Variants in ADSL observed in about 807,000 individuals in gnomAD.
ADSL encodes the protein adenylosuccinate lyase, also known as adenylosuccinase.
A neutral mutation model predicts 62.1 loss-of-function variants in ADSL; 44 were observed. The ratio of observed to expected loss-of-function variants is 0.71; its 90% CI spans 0.56 to 0.91. The LOEUF is 0.91. Among genes scored for constraint, ADSL ranks in the 40% least tolerant of loss-of-function variants. The probability of loss-of-function intolerance (pLI) is 0.00; values close to 1 mark genes in which losing one functional copy is unlikely to be tolerated. For synonymous variants in ADSL, 198 were observed against 220.5 expected, an observed-to-expected ratio of 0.90 and a Z score of 0.90; for missense variants, 531 against 627.4, an observed-to-expected ratio of 0.85 and a Z score of 1.64.
Position 40,358,920 on chromosome 22 carries a change from G to A in ADSL, c.539G>A (p.Cys180Tyr), listed in dbSNP as rs1016640573. ...KRCCLWIQDL[C>Y]MDLQNLKRVR... The stretch of plus-strand genomic sequence containing the variant: ...TGCTGTCTTTGGATTCAGGATCTTT[G>A]CATGGATCTCCAGAACTTGAAGCGT... Residue 180 changes from cysteine (C) to tyrosine (Y), a missense_variant, in exon 5 of 13, where the codon TGC (cysteine) becomes TAC (tyrosine). Around this residue, in one of 2 missense-constraint regions of ADSL, gnomAD observed 471 missense variants for 592.9 expected, o/e 0.79. Coordinates refer to ENST00000623063, the MANE Select transcript of ADSL (RefSeq NM_000026.4). 1 of 1,614,182 alleles carries A rather than the reference G, an allele frequency of 6.2e-7. No individual in the cohort carries two copies. Among genetic ancestry groups the A allele is most frequent in the Non-Finnish European group, 8.5e-7 (1 of 1,180,036 alleles).
chr22:40,374,403 T>C (rs966099306), intron 2 of ADSL, among the ~76,000 whole-genome samples: 2 of 152,230 alleles, frequency 1.3e-5, no homozygotes, highest in African/African-American at 4.8e-5. Flanking sequence ...AAAAGCTGTA[T>C]CCACTGAGAG....
intron 2 of ADSL, among the ~76,000 whole-genome samples, chr22:40,375,346 G>T (rs942400702): frequency 6.6e-6 from 1 of 152,158 alleles, no homozygotes; most frequent in Admixed American, 6.5e-5. Flanking sequence ...TTGGGAGGCC[G>T]AGGTAGGCGG....
rs138700865 is a variant in ADSL at position 40,355,331 on chromosome 22, T to G, written c.482+1004T>G. On this transcript the variant is annotated intron_variant, in intron 4 of 12. Coordinates refer to ENST00000623063, the MANE Select transcript of ADSL (RefSeq NM_000026.4). ...CTAATTTTTTTATTGTTTGGAGAGA[T>G]AGGGTTTCGCCATGTTAGCCAGGCT... 7.2e-4 allele frequency among the ~76,000 whole-genome samples: 109 copies of G among 152,096 alleles called. 2 individuals carry two copies. The East Asian group carries it at 0.021, about 29-fold the overall frequency.
chr22:40,361,353 T>G lies in ADSL; in HGVS notation c.862+11T>G. On this transcript the variant is annotated intron_variant, in intron 8 of 12. Coordinates refer to ENST00000623063, the MANE Select transcript of ADSL (RefSeq NM_000026.4). ...AAAAACAGCAGATTGGTGAGTGCTGTGTAGAGACCTGTGAGCACACATTGC... is the reference window on the plus strand; with the variant it reads ...AAAAACAGCAGATTGGTGAGTGCTGGGTAGAGACCTGTGAGCACACATTGC... The G allele has an allele frequency of 6.2e-7, 1 of 1,614,050 alleles. No individual in the cohort carries two copies. The highest frequency in any genetic ancestry group is 1.1e-5 in the South Asian group (1 of 91,086).
At chr22:40,373,503 T>C (rs545312500), downstream of ADSL, 1 of 152,368 alleles carries the variant, frequency 6.6e-6, no homozygotes, top group East Asian at 1.9e-4. Flanking sequence ...TCTAGACTTA[T>C]AAAGACGGCT....
intron 9 of ADSL, among the ~76,000 whole-genome samples, chr22:40,362,723 T>C (rs529042111): frequency 7.2e-5 from 11 of 152,226 alleles, no homozygotes; most frequent in African/African-American, 2.6e-4. Flanking sequence ...AGAAAGTGGC[T>C]GAGTTCAGTT....
rs2045048684 is a variant in ADSL at position 40,367,826 on chromosome 22, C to T, written c.*1304C>T. ...AGTTTTCATCTCTAACCTAAATCGG[C>T]TGAAATGATGTGTCCTAAACTAGAG... On this transcript the variant is annotated 3_prime_UTR_variant, in exon 13 of 13. Coordinates refer to ENST00000623063, the MANE Select transcript of ADSL (RefSeq NM_000026.4). 1 of 152,508 alleles carries T rather than the reference C, an allele frequency of 6.6e-6. No individual in the cohort carries two copies. The highest frequency in any genetic ancestry group is 1.5e-5 in the Non-Finnish European group (1 of 68,036). The allele number at this position is 152,508 out of a possible 1,614,324, so 9.4% of individuals were successfully genotyped here.
In ADSL at chr22:40,366,725, A is replaced by G. The variant is rs921131076; in HGVS notation, c.*203A>G. 2 of 556,778 alleles carry G rather than the reference A, an allele frequency of 3.6e-6. No individual in the cohort carries two copies. The highest frequency in any genetic ancestry group is 3.2e-5 in the East Asian group (1 of 31,298). 34.5% of individuals were successfully genotyped at this position (556,778 alleles called of 1,614,324 possible). A position where few individuals can be genotyped will look rare whatever the true frequency, so the allele number is the denominator to read the frequency against. On this transcript the variant is annotated 3_prime_UTR_variant, in exon 13 of 13. Transcript: ENST00000623063. The stretch of plus-strand genomic sequence containing the variant: ...GCGTTGAAGTTGACTCTGCTCTTGC[A>G]TAGTAAATGTAGTTCATACTTGATC...
chr22:40,369,477 T>C (rs1219187423), downstream of ADSL: 1 of 148,176 alleles, frequency 6.7e-6, no homozygotes, highest in Non-Finnish European at 1.5e-5. Context: ...TTCATATATA[T>C]TATATATAAT....
In ADSL at chr22:40,362,917, C is replaced by G. The variant is rs2044849346; in HGVS notation, c.1011-64C>G. 22 of 1,431,420 alleles carry G rather than the reference C, an allele frequency of 1.5e-5. No individual in the cohort carries two copies. The South Asian group carries it at 2.4e-4, about 16-fold the overall frequency. 88.7% of individuals were successfully genotyped at this position (1,431,420 alleles called of 1,614,324 possible). ...CAGTCAGTAGGGCAACTTGTTGGGA[C>G]ACACACTGCATTTCACTGAAATTAT... On this transcript the variant is annotated intron_variant, in intron 9 of 12. Transcript: ENST00000623063.
rs1317939239 is a variant in ADSL at position 40,359,014 on chromosome 22, C to G, written c.633C>G (p.Leu211=). 2 of 1,614,122 alleles carry G rather than the reference C, an allele frequency of 1.2e-6. No homozygotes were observed. Among genetic ancestry groups the G allele is most frequent in the Non-Finnish European group, 8.5e-7 (1 of 1,180,018 alleles). ...GCACTCAGGCCAGTTTCCTGCAGCT[C>G]TTTGAGGGAGATGACCATAAGGTAT... The part of the protein sequence containing the change: ...TTGTQASFLQ[L]FEGDDHKVEQ... The change falls in exon 5 of 13, where the codon CTC becomes CTG. Residue 211 remains leucine (L), a synonymous_variant. Transcript: ENST00000623063.
rs2045096252 is a variant in ADSL, at chr22:40,368,992, C to G, written c.*2470C>G. ...CACAAGGAAATTAAGTCATGGGACT[C>G]TGACCAGATATTCTGTCTACTTCCT... On this transcript the variant is annotated 3_prime_UTR_variant, in exon 13 of 13. Coordinates refer to ENST00000623063, the MANE Select transcript of ADSL (RefSeq NM_000026.4). 6.6e-6 allele frequency: 1 copy of G among 152,212 alleles called. No individual in the cohort carries two copies. 9.4% of individuals were successfully genotyped at this position (152,212 alleles called of 1,614,324 possible).
At chr22:40,348,538 G>A (rs1601548142) in intron 1 of ADSL, 2 of 398,498 alleles carry the variant, frequency 5.0e-6, no homozygotes, top group Non-Finnish European at 8.8e-6. Context: ...ACGCCACCAC[G>A]CCCGGCAAAT....
At chr22:40,382,419 T>A (rs541641528) in intron 2 of ADSL, among the ~76,000 whole-genome samples, 4 of 152,148 alleles carry the variant, frequency 2.6e-5, no homozygotes, top group Non-Finnish European at 5.9e-5. Context: ...TTTCCTTAGA[T>A]GTCTTGGGGT....
At chr22:40,356,557 A>G (rs1447364233) in intron 4 of ADSL, among the ~76,000 whole-genome samples, 1 of 151,428 alleles carries the variant, frequency 6.6e-6, no homozygotes, top group East Asian at 1.9e-4. Context: ...AAAAAGAAAG[A>G]AATTAGGCTG....
At chr22:40,358,755 A>T in intron 4 of ADSL, 109 bp from the exon 5 acceptor site, 1 of 1,012,732 alleles carries the variant, frequency 9.9e-7, no homozygotes, top group Non-Finnish European at 1.5e-6. Flanking sequence ...TCTCTTACTT[A>T]AATTGTTCTC....
At chr22:40,372,522 T>C (rs1004947510), downstream of ADSL, 1 of 152,130 alleles carries the variant, frequency 6.6e-6, no homozygotes, top group East Asian at 1.9e-4. Context: ...ACATAACCCA[T>C]GACCAGAACA....
At chr22:40,371,069 G>T (rs2045351558), downstream of ADSL, among the ~76,000 whole-genome samples, 1 of 152,214 alleles carries the variant, frequency 6.6e-6, no homozygotes, top group Non-Finnish European at 1.5e-5. Flanking sequence ...TCTGGCACCG[G>T]GACAGCTGCA....
Position 40,360,336 on chromosome 22 carries a change from C to T in ADSL, c.702-66C>T, listed in dbSNP as rs2044735156. On this transcript the variant is annotated intron_variant, in intron 6 of 12. Coordinates refer to ENST00000623063, the MANE Select transcript of ADSL (RefSeq NM_000026.4). ...TTAGCCTCCTAAGTAGCTGGGACTA[C>T]AGTCATGCACCACTGCAATGGCTTT... is the stretch of plus-strand genomic sequence containing the variant. 7 of 1,365,048 alleles carry T rather than the reference C, an allele frequency of 5.1e-6. No individual in the cohort carries two copies. In the Admixed American group the frequency reaches 6.7e-5, roughly 13 times the overall value. The allele number at this position is 1,365,048 out of a possible 1,614,324, so 84.6% of individuals were successfully genotyped here. A position where few individuals can be genotyped will look rare whatever the true frequency, so the allele number is the denominator to read the frequency against.
Sources: gnomAD v4.1 joint callset for allele counts (sites outside exome capture counted in the v4.1 genomes callset) on GRCh38, gnomAD v4.1.1 for gene constraint, gnomAD v4.1.1 regional missense constraint, MANE v1.5 for transcripts, NCBI Gene and HGNC (gene_info 2026-07-23, HGNC 2026-07-21) for gene names.